Variants in CDH18 observed in about 807,000 individuals in gnomAD.
CDH18 encodes the protein cadherin-18.
In CDH18, 31 loss-of-function variants were observed where a neutral mutation model predicts 67.9. That is an observed-to-expected ratio of 0.46 (90% confidence interval 0.34 to 0.62). The LOEUF (loss-of-function observed/expected upper bound fraction) is 0.62, where lower values mean the gene tolerates loss of function less well. Ranked by LOEUF, CDH18 falls within the 20% of genes least tolerant of loss-of-function variation. The pLI is 0.01. For synonymous variants in CDH18, 362 were observed against 347.2 expected (o/e 1.04, Z -0.48); for missense variants, 890 against 975.5 (o/e 0.91, Z 1.17).
chr5:20,212,771 C>T (rs913052353), intron 2 of CDH18, among the ~76,000 whole-genome samples: 9 of 151,800 alleles, frequency 5.9e-5, no homozygotes, highest in African/African-American at 2.2e-4. Context: ...TTTGAGTCTT[C>T]CACAAGTCAT....
At chr5:19,891,355 A>T (rs577343857) in intron 2 of CDH18, among the ~76,000 whole-genome samples, 1 of 152,270 alleles carries the variant, frequency 6.6e-6, no homozygotes, top group Admixed American at 6.5e-5. Context: ...ACCTTTCCCA[A>T]ATCAAAGGTT....
intron 3 of CDH18, among the ~76,000 whole-genome samples, chr5:19,795,258 T>C (rs559362134): frequency 5.3e-5 from 8 of 151,984 alleles, no homozygotes; most frequent in Non-Finnish European, 1.0e-4. Flanking sequence ...CTGGAAAGAG[T>C]TGACAACAGT....
chr5:19,838,372 A>G (rs1042045486), intron 3 of CDH18, among the ~76,000 whole-genome samples: 1 of 152,170 alleles, frequency 6.6e-6, no homozygotes, highest in Non-Finnish European at 1.5e-5. Flanking sequence ...AATATGTGAA[A>G]ATAGCAGTAA....
intron 2 of CDH18, among the ~76,000 whole-genome samples, chr5:20,064,924 A>G (rs1316269351): frequency 1.3e-5 from 2 of 152,046 alleles, no homozygotes; most frequent in African/African-American, 4.8e-5. Flanking sequence ...TATATAAGTA[A>G]GTTTGATATA....
intron 7 of CDH18, among the ~76,000 whole-genome samples, chr5:19,577,573 T>C (rs938339961): frequency 1.3e-5 from 2 of 152,204 alleles, no homozygotes; most frequent in Non-Finnish European, 2.9e-5. Flanking sequence ...GGATTCAAAC[T>C]ATCTAGAGTT....
chr5:19,607,306 C>G (rs988919984), intron 6 of CDH18, among the ~76,000 whole-genome samples: 1 of 151,242 alleles, frequency 6.6e-6, no homozygotes, highest in African/African-American at 2.4e-5. Context: ...TTTAACACAA[C>G]AGCAACAATG....
chr5:20,137,902 C>T (rs1214838030), intron 2 of CDH18, among the ~76,000 whole-genome samples: 1 of 152,064 alleles, frequency 6.6e-6, no homozygotes, highest in Non-Finnish European at 1.5e-5. Flanking sequence ...GGAGCTGGTA[C>T]CATTCCTTCT....
intron 1 of CDH18, among the ~76,000 whole-genome samples, chr5:20,444,778 T>TC (rs1317069809): frequency 1.5e-5 from 2 of 137,546 alleles, no homozygotes; most frequent in East Asian, 4.3e-4. Flanking sequence ...CTTTTTTCTT[T>TC]CTTTTTTTTT....
chr5:20,282,281 T>C (rs1235914380), intron 1 of CDH18, among the ~76,000 whole-genome samples: 1 of 152,200 alleles, frequency 6.6e-6, no homozygotes, highest in Non-Finnish European at 1.5e-5. Flanking sequence ...AGGGCATCCC[T>C]GTCTCGTGCC....
chr5:19,553,896 A>G (rs1328895914), intron 8 of CDH18, among the ~76,000 whole-genome samples: 1 of 151,938 alleles, frequency 6.6e-6, no homozygotes, highest in Non-Finnish European at 1.5e-5. Flanking sequence ...GACCTTCCAA[A>G]GTGCTAAAAT....
At chr5:20,297,169 A>G (rs1371136595) in intron 1 of CDH18, among the ~76,000 whole-genome samples, 12 of 152,230 alleles carry the variant, frequency 7.9e-5, no homozygotes, top group Admixed American at 7.2e-4. Flanking sequence ...TAAAAATGTT[A>G]GTATATAAAA....
At chr5:20,240,003 T>C (rs373516478) in intron 2 of CDH18, among the ~76,000 whole-genome samples, 23 of 151,968 alleles carry the variant, frequency 1.5e-4, no homozygotes, top group South Asian at 1.5e-3. Flanking sequence ...AAATATGTAC[T>C]AGAAGATAAT....
At chr5:20,065,227 A>C (rs1022741672) in intron 2 of CDH18, among the ~76,000 whole-genome samples, 1 of 151,986 alleles carries the variant, frequency 6.6e-6, no homozygotes, top group African/African-American at 2.4e-5. Flanking sequence ...AAAAATGAGG[A>C]AGTGACGTAT....
chr5:19,613,279 G>A (rs1165803368), intron 5 of CDH18, among the ~76,000 whole-genome samples: 1 of 152,138 alleles, frequency 6.6e-6, no homozygotes, highest in Non-Finnish European at 1.5e-5. Context: ...ATTGATTTAA[G>A]CAGAGGCTAA....
At chr5:20,121,616 A>T (rs1409719038) in intron 2 of CDH18, among the ~76,000 whole-genome samples, 1 of 152,182 alleles carries the variant, frequency 6.6e-6, no homozygotes, top group African/African-American at 2.4e-5. Context: ...AGCAGCATAG[A>T]AGAAAATACT....
chr5:19,621,088 A>G (rs1019782784), intron 5 of CDH18, among the ~76,000 whole-genome samples: 2 of 152,182 alleles, frequency 1.3e-5, no homozygotes, highest in Non-Finnish European at 2.9e-5. Flanking sequence ...CTGTGAGTAA[A>G]TATCATTAGA....
At chr5:20,503,532 A>C (rs747483063) in intron 1 of CDH18, among the ~76,000 whole-genome samples, 2 of 152,176 alleles carry the variant, frequency 1.3e-5, no homozygotes, top group Non-Finnish European at 2.9e-5. Context: ...AACTTTTTAA[A>C]CATAAGTATC....
chr5:20,229,704 AT>A (rs1367879433), intron 2 of CDH18, among the ~76,000 whole-genome samples: 11 of 151,512 alleles, frequency 7.3e-5, no homozygotes, highest in Admixed American at 7.2e-4. Context: ...AATTCCATAT[AT>A]TTTTTTTAAT....
intron 1 of CDH18, among the ~76,000 whole-genome samples, chr5:20,393,285 C>T (rs1218057306): frequency 6.6e-6 from 1 of 151,880 alleles, no homozygotes; most frequent in African/African-American, 2.4e-5. Flanking sequence ...CTCACTTTTG[C>T]TCAATGATTT....
Sources: gnomAD v4.1 joint callset for allele counts (sites outside exome capture counted in the v4.1 genomes callset) on GRCh38, gnomAD v4.1.1 for gene constraint, MANE v1.5 for transcripts, NCBI Gene and HGNC (gene_info 2026-07-23, HGNC 2026-07-21) for gene names.